Variants in INPP5A observed in about 807,000 individuals in gnomAD.
INPP5A encodes the protein 43 kDa inositol polyphosphate 5-phophatase.
In INPP5A, 14 loss-of-function variants were observed where a neutral mutation model predicts 65.2. That is an observed-to-expected ratio of 0.21 (90% CI 0.14 to 0.34). The LOEUF (loss-of-function observed/expected upper bound fraction) is 0.34. INPP5A is among the 10% of genes least tolerant of loss of function. INPP5A has a pLI of 1.00. For synonymous variants in INPP5A, 207 were observed against 208.3 expected (o/e 0.99, Z 0.05); for missense variants, 431 against 545.6 (o/e 0.79, Z 2.09).
At chr10:132,607,781 G>A in intron 1 of INPP5A, 134 bp from the exon 2 acceptor site, 1 of 844,412 alleles carries the variant, frequency 1.2e-6, no homozygotes, top group African/African-American at 1.7e-5. Context: ...TGCGGGTGGA[G>A]CTCCTCCATG....
chr10:132,751,950 G>A (rs1194853787), intron 11 of INPP5A, among the ~76,000 whole-genome samples: 24 of 149,102 alleles, frequency 1.6e-4, no homozygotes, highest in Admixed American at 1.3e-3. Context: ...CCCAGGAGGC[G>A]TCTGCGTGAA....
intron 7 of INPP5A, among the ~76,000 whole-genome samples, chr10:132,709,842 C>T (rs1476899327): frequency 2.0e-5 from 3 of 152,228 alleles, no homozygotes; most frequent in African/African-American, 4.8e-5. Context: ...TTGATCAGGC[C>T]TTGCCGAGTC....
At chr10:132,573,654 G>A (rs1192013312) in intron 1 of INPP5A, among the ~76,000 whole-genome samples, 5 of 104,792 alleles carry the variant, frequency 4.8e-5, no homozygotes, top group Admixed American at 9.2e-5. Context: ...TGAGATGTTG[G>A]GGTGTGCGTG....
intron 12 of INPP5A, among the ~76,000 whole-genome samples, chr10:132,773,765 G>A (rs996513787): frequency 2.4e-4 from 36 of 152,136 alleles, no homozygotes; most frequent in Admixed American, 8.5e-4. Context: ...CTCGAGATAC[G>A]GGCGAGGGGA....
intron 1 of INPP5A, among the ~76,000 whole-genome samples, chr10:132,592,017 C>T (rs182829233): frequency 9.9e-5 from 15 of 152,218 alleles, no homozygotes; most frequent in East Asian, 5.8e-4. Context: ...TGGTATTCAG[C>T]GTTGTTGCTA....
At chr10:132,720,166 G>T (rs1198534262) in intron 8 of INPP5A, among the ~76,000 whole-genome samples, 1 of 149,316 alleles carries the variant, frequency 6.7e-6, no homozygotes, top group Non-Finnish European at 1.5e-5. Flanking sequence ...GTGGTACCTG[G>T]GTTCTGTCTG....
chr10:132,685,972 C>T (rs1315596114), intron 4 of INPP5A, among the ~76,000 whole-genome samples: 1 of 152,222 alleles, frequency 6.6e-6, no homozygotes, highest in Non-Finnish European at 1.5e-5. Context: ...ACTAGCCGCC[C>T]CTGTGAGAGG....
At chr10:132,722,083 G>A (rs1845895193) in intron 8 of INPP5A, among the ~76,000 whole-genome samples, 1 of 152,154 alleles carries the variant, frequency 6.6e-6, no homozygotes, top group African/African-American at 2.4e-5. Flanking sequence ...ACTTTTAAGC[G>A]ATTAACTAAA....
At chr10:132,615,774 T>G (rs539850458) in intron 2 of INPP5A, among the ~76,000 whole-genome samples, 2 of 151,678 alleles carry the variant, frequency 1.3e-5, no homozygotes, top group Non-Finnish European at 2.9e-5. Context: ...GAGGACAGAG[T>G]GGGCCCTGGG....
chr10:132,769,332 T>A (rs1846909199), intron 12 of INPP5A, among the ~76,000 whole-genome samples: 1 of 152,188 alleles, frequency 6.6e-6, no homozygotes, highest in Non-Finnish European at 1.5e-5. Context: ...AAAAGTGACC[T>A]GTTTGAGGCG....
rs373721398 is a variant in INPP5A, at chr10:132,650,364, A to C, written c.219-54A>C. 1 of 1,207,208 alleles carries C rather than the reference A, an allele frequency of 8.3e-7. No homozygotes were observed. Among genetic ancestry groups the C allele is most frequent in the African/African-American group, 1.5e-5 (1 of 66,938 alleles). 74.8% of individuals were successfully genotyped at this position (1,207,208 alleles called of 1,614,324 possible). On this transcript the variant is annotated intron_variant, in intron 3 of 15. Coordinates refer to ENST00000368594, the MANE Select transcript of INPP5A (RefSeq NM_005539.5). This position sits in a 1 kb window ranked among gnomAD's most constrained non-coding sequence, Gnocchi z 5.5. The stretch of plus-strand genomic sequence containing the variant: ...TCTTATACCTTGTGGTCATCTCATG[A>C]GGTGCAAGGCGTCTGTGTGGCTTTT...
intron 4 of INPP5A, among the ~76,000 whole-genome samples, chr10:132,671,998 A>G (rs1175520134): frequency 6.6e-6 from 1 of 152,214 alleles, no homozygotes. Flanking sequence ...CTGTTGTCCA[A>G]TATTCAGCTA....
intron 1 of INPP5A, among the ~76,000 whole-genome samples, chr10:132,592,482 C>T (rs2071630922): frequency 6.6e-6 from 1 of 152,314 alleles, no homozygotes; most frequent in Non-Finnish European, 1.5e-5. Context: ...GTGGCACGAC[C>T]TCAGCTCACT....
chr10:132,777,381 A>C (rs921518527), intron 12 of INPP5A, among the ~76,000 whole-genome samples: 3 of 152,246 alleles, frequency 2.0e-5, no homozygotes, highest in African/African-American at 7.2e-5. Flanking sequence ...GACCATGTTC[A>C]AAAAACCAAC....
chr10:132,622,050 AT>A (rs2072117206), intron 2 of INPP5A, among the ~76,000 whole-genome samples: 1 of 152,250 alleles, frequency 6.6e-6, no homozygotes, highest in South Asian at 2.1e-4. Context: ...AAGTGGATTT[AT>A]TTAGTTTTCA....
At chr10:132,760,288 G>C (rs1438156337) in intron 11 of INPP5A, among the ~76,000 whole-genome samples, 2 of 152,246 alleles carry the variant, frequency 1.3e-5, no homozygotes, top group Admixed American at 1.3e-4. Flanking sequence ...AGGACTGGGG[G>C]TGCTGAGGAC....
In INPP5A at chr10:132,650,270, G is replaced by A. The variant is rs1326233393; in HGVS notation, c.219-148G>A. 3 of 637,896 alleles carry A rather than the reference G, an allele frequency of 4.7e-6. No homozygotes were observed. The highest frequency in any genetic ancestry group is 1.7e-5 in the South Asian group (1 of 57,850). 39.5% of individuals were successfully genotyped at this position (637,896 alleles called of 1,614,324 possible). Reference sequence around the variant, plus strand: ...GAGGCCAGCTCCTGCGGTGGCTGCCGCCATTCCCTGCCCTCTGCCTGTCAC... The same window carrying A: ...GAGGCCAGCTCCTGCGGTGGCTGCCACCATTCCCTGCCCTCTGCCTGTCAC... On this transcript the variant is annotated intron_variant, in intron 3 of 15. Transcript: ENST00000368594. This position sits in a 1 kb window ranked among gnomAD's most constrained non-coding sequence, Gnocchi z 5.5.
At chr10:132,683,319 C>A (rs112917558) in intron 4 of INPP5A, among the ~76,000 whole-genome samples, 1 of 150,218 alleles carries the variant, frequency 6.7e-6, no homozygotes. Flanking sequence ...GTGGAGGGCA[C>A]GTGTCTGCCG....
Position 132,726,911 on chromosome 10 carries a change from C to G in INPP5A, c.732+6C>G, listed in dbSNP as rs184260755. On this transcript the variant is annotated splice_donor_region_variant and intron_variant, in intron 9 of 15. Coordinates refer to ENST00000368594, the MANE Select transcript of INPP5A (RefSeq NM_005539.5). ...ATTCCAAGTCCGTCGTGGAGGTAGGCGCTGGCTTCCCTCCCGCCCTGGTCT... is the reference window on the plus strand; with the variant it reads ...ATTCCAAGTCCGTCGTGGAGGTAGGGGCTGGCTTCCCTCCCGCCCTGGTCT... 6.3e-7 allele frequency: 1 copy of G among 1,599,662 alleles called. No homozygotes were observed. Among genetic ancestry groups the G allele is most frequent in the Admixed American group, 1.7e-5 (1 of 59,398 alleles).
Sources: allele counts gnomAD v4.1 joint callset (sites outside exome capture counted in the v4.1 genomes callset), GRCh38; gene constraint gnomAD v4.1.1; non-coding constraint Gnocchi (gnomAD v3.1); transcripts MANE v1.5; gene names NCBI Gene and HGNC (gene_info 2026-07-23, HGNC 2026-07-21).